NDST4: variants seen among roughly 807,000 people sequenced by gnomAD.
The protein encoded by NDST4 is N-heparan sulfate sulfotransferase 4.
Under a neutral mutation model 100.8 loss-of-function variants are expected in NDST4, and 63 were observed. The ratio of observed to expected loss-of-function variants is 0.62; its 90% CI spans 0.51 to 0.77. NDST4 has a LOEUF of 0.77. Ranked by LOEUF, NDST4 falls within the 30% of genes least tolerant of loss-of-function variation. The pLI, the probability that NDST4 is intolerant of heterozygous loss-of-function variation, is 0.00. For synonymous variants in NDST4, 377 were observed against 361.8 expected (o/e 1.04, Z -0.48); for missense variants, 943 against 1,018.4 (o/e 0.93, Z 1.01).
chr4:115,093,655 C>T (rs1427189867), intron 1 of NDST4, among the ~76,000 whole-genome samples: 1 of 151,912 alleles, frequency 6.6e-6, no homozygotes, highest in Non-Finnish European at 1.5e-5. Context: ...AGCTAAAAAT[C>T]ACATGGAGCA....
chr4:114,868,517 G>GCAGTAAGTC, intron 7 of NDST4, among the ~76,000 whole-genome samples: 1 of 152,118 alleles, frequency 6.6e-6, no homozygotes, highest in Admixed American at 6.6e-5. Context: ...CAGATTTGCT[G>GCAGTAAGTC]CAGTAAGTCA....
At chr4:114,838,127 T>C (rs1723341857) in intron 11 of NDST4, among the ~76,000 whole-genome samples, 1 of 152,196 alleles carries the variant, frequency 6.6e-6, no homozygotes, top group African/African-American at 2.4e-5. Context: ...AGATACCATC[T>C]CATGCCAGTT....
chr4:115,014,317 A>T (rs892202619), intron 2 of NDST4, among the ~76,000 whole-genome samples: 2 of 152,068 alleles, frequency 1.3e-5, no homozygotes, highest in African/African-American at 4.8e-5. Flanking sequence ...TACATTAATG[A>T]CATCATATTG....
intron 3 of NDST4, among the ~76,000 whole-genome samples, chr4:114,973,590 T>A (rs183472178): frequency 6.6e-6 from 1 of 152,060 alleles, no homozygotes; most frequent in African/African-American, 2.4e-5. Context: ...AATTCAGAAG[T>A]AAAATACATG....
chr4:114,880,286 G>A (rs1724338863), intron 6 of NDST4, among the ~76,000 whole-genome samples: 1 of 152,042 alleles, frequency 6.6e-6, no homozygotes, highest in Non-Finnish European at 1.5e-5. Context: ...AGATGTCATG[G>A]CAATTACATT....
At chr4:115,012,828 T>C (rs1578452681) in intron 2 of NDST4, among the ~76,000 whole-genome samples, 1 of 152,052 alleles carries the variant, frequency 6.6e-6, no homozygotes, top group East Asian at 1.9e-4. Flanking sequence ...GACAATGTGG[T>C]ACATAATTTT....
At chr4:114,908,608 T>G in intron 6 of NDST4, among the ~76,000 whole-genome samples, 1 of 152,148 alleles carries the variant, frequency 6.6e-6, no homozygotes, top group East Asian at 1.9e-4. Context: ...ACTTGGGTGG[T>G]TTGAATTATG....
chr4:114,907,677 A>G (rs1553953081), intron 6 of NDST4, among the ~76,000 whole-genome samples: 1 of 152,062 alleles, frequency 6.6e-6, no homozygotes, highest in Non-Finnish European at 1.5e-5. Flanking sequence ...ACAAGTTTAT[A>G]CAAGCTAACA....
chr4:114,884,220 C>T (rs1277468128), intron 6 of NDST4, among the ~76,000 whole-genome samples: 1 of 152,116 alleles, frequency 6.6e-6, no homozygotes, highest in African/African-American at 2.4e-5. Context: ...ACATATTGAA[C>T]TTAAACACAC....
Position 115,071,305 on chromosome 4 carries a change from C to G in NDST4, c.978+4754G>C, listed in dbSNP as rs575510671. Among the ~76,000 whole-genome samples the G allele has an allele frequency of 3.7e-3, 560 of 151,542 alleles. 3 individuals carry two copies. The highest frequency in any genetic ancestry group is 4.6e-3 in the South Asian group (22 of 4,784). On this transcript the variant is annotated intron_variant, in intron 2 of 13. Transcript: ENST00000264363. ...ACACACACACACACACACACACACACACACACACACACACATTGATAGAGG... is the reference window on the plus strand; with the variant it reads ...ACACACACACACACACACACACACAGACACACACACACACATTGATAGAGG...
At position 115,109,861 on chromosome 4, in the gene NDST4, C is replaced by T. The variant is rs975758424; in HGVS notation, c.-247+3583G>A. On this transcript the variant is annotated intron_variant, in intron 1 of 13. Coordinates refer to ENST00000264363, the MANE Select transcript of NDST4 (RefSeq NM_022569.3). ...TTTCATGGCATGAATTTTCTGAATA[C>T]TGATGAATATAGACAAACTATAACA... Among the ~76,000 whole-genome samples the T allele has an allele frequency of 5.9e-5, 9 of 151,696 alleles. No individual in the cohort carries two copies. The East Asian group carries it at 1.7e-3, about 29-fold the overall frequency.
intron 6 of NDST4, among the ~76,000 whole-genome samples, chr4:114,929,200 C>A (rs1465820343): frequency 6.6e-6 from 1 of 151,482 alleles, no homozygotes; most frequent in African/African-American, 2.4e-5. Context: ...CCCTGGAGAA[C>A]CCCGTCTAAG....
chr4:115,071,222 G>A (rs1271442039), intron 2 of NDST4, among the ~76,000 whole-genome samples: 1 of 151,650 alleles, frequency 6.6e-6, no homozygotes, highest in African/African-American at 2.4e-5. Context: ...TTAACAGTAT[G>A]ATTCAGAATC....
chr4:115,102,293 G>A (rs1437605610), intron 1 of NDST4, among the ~76,000 whole-genome samples: 2 of 152,118 alleles, frequency 1.3e-5, no homozygotes, highest in East Asian at 1.9e-4. Flanking sequence ...AAAACTATAA[G>A]ATACAGAGAC....
intron 6 of NDST4, among the ~76,000 whole-genome samples, chr4:114,885,813 A>C (rs1724465564): frequency 6.6e-6 from 1 of 152,054 alleles, no homozygotes; most frequent in African/African-American, 2.4e-5. Flanking sequence ...ATCTGGAATA[A>C]ATTTTATACA....
chr4:114,962,171 G>C (rs1726277906), intron 4 of NDST4, among the ~76,000 whole-genome samples: 1 of 151,994 alleles, frequency 6.6e-6, no homozygotes, highest in Non-Finnish European at 1.5e-5. Flanking sequence ...TTGATAATAG[G>C]TATCTATGAA....
chr4:114,927,524 T>C (rs1221309008), intron 6 of NDST4, among the ~76,000 whole-genome samples: 1 of 152,040 alleles, frequency 6.6e-6, no homozygotes, highest in East Asian at 1.9e-4. Flanking sequence ...CTTTTCATTA[T>C]TTCCTTTTAA....
At chr4:114,965,495 T>A (rs1023484823) in intron 4 of NDST4, among the ~76,000 whole-genome samples, 24 of 152,086 alleles carry the variant, frequency 1.6e-4, no homozygotes, top group African/African-American at 5.8e-4. Flanking sequence ...TTCATAAATA[T>A]GTGTAGCTTT....
At chr4:114,839,639 G>C (rs1723385016) in intron 10 of NDST4, 91 bp from the exon 11 acceptor site, 1 of 1,103,252 alleles carries the variant, frequency 9.1e-7, no homozygotes. Context: ...GCATGTGTGT[G>C]TTTGGTGTGT....
Sources: allele counts gnomAD v4.1 joint callset (sites outside exome capture counted in the v4.1 genomes callset), GRCh38; gene constraint gnomAD v4.1.1; transcripts MANE v1.5; gene names NCBI Gene and HGNC (gene_info 2026-07-23, HGNC 2026-07-21).